VPS52: variants seen among roughly 807,000 people sequenced by gnomAD.
VPS52 encodes VPS52 subunit of GARP complex.
A neutral mutation model predicts 98.7 loss-of-function variants in VPS52; 56 were observed. The observed-to-expected ratio is 0.57, with a 90% CI of 0.46 to 0.71. VPS52 has a LOEUF of 0.71. Ranked by LOEUF, VPS52 falls within the 30% of genes least tolerant of loss-of-function variation. The pLI, the probability that VPS52 is intolerant of heterozygous loss-of-function variation, is 0.00. For missense variants in VPS52, 742 were observed against 925.9 expected, an observed-to-expected ratio of 0.80 and a Z score of 2.58; for synonymous variants, 348 against 346.4, an observed-to-expected ratio of 1.00 and a Z score of -0.05.
rs1330536858 is a variant in VPS52 at position 33,267,926 on chromosome 6, G to A, written c.872C>T (p.Thr291Met). Residue 291 changes from threonine (T) to methionine (M), a missense_variant, in exon 9 of 20, where the codon ACG (threonine) becomes ATG (methionine). By Grantham distance (81) the Thr-to-Met change is moderately conservative. Coordinates refer to ENST00000445902, the MANE Select transcript of VPS52 (RefSeq NM_022553.6). The surrounding 1 kb of genome is among the most constrained non-coding windows in gnomAD (Gnocchi z 4.2). ...AKEIRDEYVE[T>M]LSKIYLSYYR... Reference sequence around the variant, plus strand: ...GTAAGACAGGTAAATCTTGCTCAGCGTCTCCACATATTCATCCCTGATCTC... The same window carrying A: ...GTAAGACAGGTAAATCTTGCTCAGCATCTCCACATATTCATCCCTGATCTC... 8.7e-6 allele frequency: 14 copies of A among 1,612,932 alleles called. No homozygotes were observed. The highest frequency in any genetic ancestry group is 4.5e-5 in the East Asian group (2 of 44,892).
chr6:33,267,173 T>C lies in VPS52; in HGVS notation c.1125+15A>G. On this transcript the variant is annotated intron_variant, in intron 11 of 19. Transcript: ENST00000445902. This position sits in a 1 kb window ranked among gnomAD's most constrained non-coding sequence, Gnocchi z 4.2. ...CAGAGCCTCTTTCGTGACTGAAGCT[T>C]GTTCCTCCTCATACCCTCTGCTCTC... The C allele has an allele frequency of 2.0e-6, 3 of 1,475,152 alleles. No homozygotes were observed. Among genetic ancestry groups the C allele is most frequent in the Non-Finnish European group, 2.7e-6 (3 of 1,111,282 alleles). The allele number at this position is 1,475,152 out of a possible 1,614,324, so 91.4% of individuals were successfully genotyped here. A position where few individuals can be genotyped will look rare whatever the true frequency, so the allele number is the denominator to read the frequency against.
intron 12 of VPS52, 143 bp from the exon 13 acceptor site, chr6:33,265,043 T>A: frequency 2.6e-6 from 2 of 772,998 alleles, no homozygotes; most frequent in Non-Finnish European, 4.5e-6. Context: ...AACTGCCCCC[T>A]GCTTTCCTGT....
In VPS52 at chr6:33,256,463, C is replaced by CA. The variant is rs9280385; in HGVS notation, c.1795-4493dup. ...CTGAGTGACAGAGCAAAACCTGTCT[C>CA]AAAAAAAAAAAAAAAAAAAAAAAAA... On this transcript the variant is annotated intron_variant, in intron 17 of 19. Coordinates refer to ENST00000445902, the MANE Select transcript of VPS52 (RefSeq NM_022553.6). Among the ~76,000 whole-genome samples, 62 of 83,730 alleles carry CA rather than the reference C, an allele frequency of 7.4e-4. 6 individuals carry two copies. The highest frequency in any genetic ancestry group is 1.1e-3 in the Non-Finnish European group (49 of 43,362). 54.9% of individuals were successfully genotyped at this position (83,730 alleles called of 152,430 possible).
intron 19 of VPS52, among the ~76,000 whole-genome samples, 194 bp from the exon 20 acceptor site, chr6:33,251,181 C>T (rs1418433732): frequency 6.6e-6 from 1 of 151,834 alleles, no homozygotes; most frequent in Non-Finnish European, 1.5e-5. Context: ...ATCTCTACTA[C>T]AAATACGAAA....
chr6:33,266,160 A>ATTTT (rs9280390), intron 12 of VPS52, among the ~76,000 whole-genome samples: 2 of 119,654 alleles, frequency 1.7e-5, no homozygotes, highest in South Asian at 2.8e-4. Context: ...GCACCTGGCT[A>ATTTT]TTTTTTTTTT....
Position 33,268,963 on chromosome 6 carries a change from CA to C in VPS52, c.548+50del. On this transcript the variant is annotated intron_variant, in intron 6 of 19. Transcript: ENST00000445902. The surrounding 1 kb of genome is among the most constrained non-coding windows in gnomAD (Gnocchi z 4.0). ...ATATGGTAAATAGGGTGGGTCACCC[CA>C]GCCCATCCACCTGCTATGGACATTA... 6.3e-7 allele frequency: 1 copy of C among 1,596,524 alleles called. No homozygotes were observed. The highest frequency in any genetic ancestry group is 8.5e-7 in the Non-Finnish European group (1 of 1,170,572).
chr6:33,269,475 G>A lies in VPS52; in HGVS notation c.372+15C>T, dbSNP rs2150857940. The stretch of plus-strand genomic sequence containing the variant: ...TCAGAGTAGCTATTAGGGGTCACAG[G>A]TCATGATTACTAACCTCCAGGACAG... On this transcript the variant is annotated intron_variant, in intron 5 of 19. Coordinates refer to ENST00000445902, the MANE Select transcript of VPS52 (RefSeq NM_022553.6). The A allele has an allele frequency of 2.5e-6, 4 of 1,613,126 alleles. No individual in the cohort carries two copies. Among genetic ancestry groups the A allele is most frequent in the Non-Finnish European group, 3.4e-6 (4 of 1,179,974 alleles).
chr6:33,260,684 C>T (rs569052571), intron 17 of VPS52, among the ~76,000 whole-genome samples: 114 of 151,946 alleles, frequency 7.5e-4, no homozygotes, highest in Non-Finnish European at 1.3e-3. Context: ...AACAAAAATT[C>T]GTTGTTTTCC....
In VPS52 at chr6:33,271,709, C is replaced by A; in HGVS notation, c.-34G>T. 1 of 1,580,522 alleles carries A rather than the reference C, an allele frequency of 6.3e-7. No homozygotes were observed. The highest frequency in any genetic ancestry group is 2.3e-5 in the East Asian group (1 of 43,340). On this transcript the variant is annotated 5_prime_UTR_variant, in exon 1 of 20. Coordinates refer to ENST00000445902, the MANE Select transcript of VPS52 (RefSeq NM_022553.6). ...GCCTCACTTCCGGCAACTGTCAGTC[C>A]CGGCGAGTCCGTTCCCCGGAGTGGA... is the stretch of plus-strand genomic sequence containing the variant.
rs549169118 is a variant in VPS52 at position 33,270,419 on chromosome 6, A to G, written c.91-136T>C. The stretch of plus-strand genomic sequence containing the variant: ...CACAGGTACTGCTTTGAAAAATTCT[A>G]AGAGTCTCACGTTGTACCCACTCTC... On this transcript the variant is annotated intron_variant, in intron 1 of 19. Coordinates refer to ENST00000445902, the MANE Select transcript of VPS52 (RefSeq NM_022553.6). The G allele has an allele frequency of 3.1e-5, 24 of 779,886 alleles. No individual in the cohort carries two copies. In the South Asian group the frequency reaches 3.6e-4, roughly 12 times the overall value. The allele number at this position is 779,886 out of a possible 1,614,324, so 48.3% of individuals were successfully genotyped here.
Position 33,250,664 on chromosome 6 carries a change from A to G in VPS52, c.*177T>C, listed in dbSNP as rs1581533826. On this transcript the variant is annotated 3_prime_UTR_variant, in exon 20 of 20. Transcript: ENST00000445902. ...AGACACTGGGATATTCAGAAGGCCA[A>G]GGGGATCCAGCTTATCCTGTTGGGC... The G allele has an allele frequency of 1.3e-6, 1 of 793,592 alleles. No individual in the cohort carries two copies. Among genetic ancestry groups the G allele is most frequent in the Non-Finnish European group, 1.9e-6 (1 of 513,940 alleles). 49.2% of individuals were successfully genotyped at this position (793,592 alleles called of 1,614,324 possible).
rs760623662 is a variant in VPS52 at position 33,268,485 on chromosome 6, T to C, written c.699+14A>G. On this transcript the variant is annotated intron_variant, in intron 7 of 19. Transcript: ENST00000445902. The surrounding 1 kb of genome is among the most constrained non-coding windows in gnomAD (Gnocchi z 4.0). ...CTTCCAGTAGCCTCCAGGGTATCCATCCCTACTTCCCACCTTGACCCGGAG... is the reference window on the plus strand; with the variant it reads ...CTTCCAGTAGCCTCCAGGGTATCCACCCCTACTTCCCACCTTGACCCGGAG... The C allele has an allele frequency of 4.7e-5, 74 of 1,584,000 alleles. No homozygotes were observed. Among genetic ancestry groups the C allele is most frequent in the Non-Finnish European group, 6.1e-5 (71 of 1,163,076 alleles).
In VPS52 at chr6:33,266,613, G is replaced by C. The variant is rs747210201; in HGVS notation, c.1225C>G (p.Pro409Ala). ...FICEFFVVSG[P>A]AAHDLFHAVM... ...GCATGGAACAGGTCGTGTGCAGCTG[G>C]GCCAGACACAACAAAAAATTCACAG... Residue 409 changes from proline to alanine, a missense_variant, in exon 12 of 20, where the codon CCA (proline) becomes GCA (alanine). Around this residue, in one of 2 missense-constraint regions of VPS52, gnomAD observed 590 missense variants for 793.3 expected, o/e 0.74. Transcript: ENST00000445902. 24 of 1,612,718 alleles carry C rather than the reference G, an allele frequency of 1.5e-5. No homozygotes were observed. The highest frequency in any genetic ancestry group is 3.3e-5 in the Admixed American group (2 of 59,978).
chr6:33,265,962 G>A (rs1371519280), intron 12 of VPS52, among the ~76,000 whole-genome samples: 1 of 151,936 alleles, frequency 6.6e-6, no homozygotes, highest in Non-Finnish European at 1.5e-5. Context: ...CTCCTCCCAG[G>A]TTCAAGCAAT....
Position 33,269,285 on chromosome 6 carries a change from T to A in VPS52, c.373-96A>T, listed in dbSNP as rs1359355368. 2.0e-6 allele frequency: 3 copies of A among 1,535,274 alleles called. No individual in the cohort carries two copies. The East Asian group carries it at 6.8e-5, about 35-fold the overall frequency. ...TTGTGAAGTCTTCAGTATTTATCAGTCCTTGAGGGTGGCAGATGATGAGAC... is the reference window on the plus strand; with the variant it reads ...TTGTGAAGTCTTCAGTATTTATCAGACCTTGAGGGTGGCAGATGATGAGAC... On this transcript the variant is annotated intron_variant, in intron 5 of 19. Transcript: ENST00000445902.
At position 33,250,707 on chromosome 6, in the gene VPS52, G is replaced by T; in HGVS notation, c.*134C>A. The T allele has an allele frequency of 8.3e-7, 1 of 1,201,998 alleles. No homozygotes were observed. Among genetic ancestry groups the T allele is most frequent in the Non-Finnish European group, 1.2e-6 (1 of 858,806 alleles). 74.5% of individuals were successfully genotyped at this position (1,201,998 alleles called of 1,614,324 possible). On this transcript the variant is annotated 3_prime_UTR_variant, in exon 20 of 20. Coordinates refer to ENST00000445902, the MANE Select transcript of VPS52 (RefSeq NM_022553.6). ...TGTTGGGCAAGGTGCTGGGAGTGAAGGCAGGTAAGCCATGTCAAGGGCCTG... is the reference window on the plus strand; with the variant it reads ...TGTTGGGCAAGGTGCTGGGAGTGAATGCAGGTAAGCCATGTCAAGGGCCTG...
intron 17 of VPS52, among the ~76,000 whole-genome samples, chr6:33,257,210 T>C (rs999866639): frequency 1.3e-5 from 2 of 152,028 alleles, no homozygotes; most frequent in Non-Finnish European, 2.9e-5. Flanking sequence ...ATTTTTTTAA[T>C]TTTTTGTAGA....
In VPS52 at chr6:33,266,706, A is replaced by G; in HGVS notation, c.1132T>C (p.Phe378Leu). 6.2e-7 allele frequency: 1 copy of G among 1,609,292 alleles called. No homozygotes were observed. Among genetic ancestry groups the G allele is most frequent in the Non-Finnish European group, 8.5e-7 (1 of 1,177,966 alleles). ...TAQRGEQRYP[F>L]EALFRSQHYA... ...TGCTGGCTGCGGAAGAGGGCCTCAAATGGATACTGGGAGAGGAGGAGTAAA... is the reference window on the plus strand; with the variant it reads ...TGCTGGCTGCGGAAGAGGGCCTCAAGTGGATACTGGGAGAGGAGGAGTAAA... Residue 378 changes from phenylalanine to leucine, a missense_variant, in exon 12 of 20, where the codon TTT becomes CTT. Phe to Leu is a conservative substitution (Grantham distance 22). Around this residue, in one of 2 missense-constraint regions of VPS52, gnomAD observed 590 missense variants for 793.3 expected, o/e 0.74. Transcript: ENST00000445902.
chr6:33,253,551 TAGATA>T (rs1008072469), intron 17 of VPS52, among the ~76,000 whole-genome samples: 4 of 151,926 alleles, frequency 2.6e-5, no homozygotes, highest in Non-Finnish European at 4.4e-5. Flanking sequence ...ATAGTTATTT[TAGATA>T]AGATAATTTT....
Sources: allele counts gnomAD v4.1 joint callset (sites outside exome capture counted in the v4.1 genomes callset), GRCh38; gene constraint gnomAD v4.1.1; regional missense constraint gnomAD v4.1.1; non-coding constraint Gnocchi (gnomAD v3.1); transcripts MANE v1.5; gene names NCBI Gene and HGNC (gene_info 2026-07-23, HGNC 2026-07-21).